PZP: variants seen among roughly 807,000 people sequenced by gnomAD.
PZP encodes the protein pregnancy zone protein.
Under a neutral mutation model 179.8 loss-of-function variants are expected in PZP, and 150 were observed. The observed-to-expected ratio is 0.83, with a 90% CI of 0.73 to 0.96. The LOEUF (loss-of-function observed/expected upper bound fraction) is 0.96, where lower values mean the gene tolerates loss of function less well. Among genes scored for constraint, PZP ranks in the 40% least tolerant of loss-of-function variants. The pLI is 0.00. For synonymous variants in PZP, 624 were observed against 652.3 expected (o/e 0.96, Z 0.66); for missense variants, 1,689 against 1,764.0 (o/e 0.96, Z 0.76).
Position 9,150,690 on chromosome 12 carries a change from T to C in PZP, c.4338A>G (p.Gly1446=). ...CTTTAACAATTGCTGGCTTCAAGTC[T>C]CCTACTGGGATGTCTTGCAGAACCA... is the stretch of plus-strand genomic sequence containing the variant. ...SFMVLQDIPV[G]DLKPAIVKVY... is the part of the protein sequence containing the mutation. Residue 1446 remains glycine (G), a synonymous_variant, in exon 34 of 36, where the codon GGA becomes GGG. Coordinates refer to ENST00000261336, the MANE Select transcript of PZP (RefSeq NM_002864.3). 6.2e-7 allele frequency: 1 copy of C among 1,613,118 alleles called. No individual in the cohort carries two copies. Among genetic ancestry groups the C allele is most frequent in the South Asian group, 1.1e-5 (1 of 90,920 alleles).
At chr12:9,164,417 G>A (rs147844773) in intron 19 of PZP, among the ~76,000 whole-genome samples, 158 bp from the exon 20 acceptor site, 4 of 152,342 alleles carry the variant, frequency 2.6e-5, no homozygotes, top group Middle Eastern at 3.4e-3. Context: ...GCATGGCAAT[G>A]GCAATGATAC....
intron 15 of PZP, among the ~76,000 whole-genome samples, chr12:9,179,691 C>A (rs1246579306): frequency 6.6e-6 from 1 of 152,164 alleles, no homozygotes; most frequent in East Asian, 1.9e-4. Flanking sequence ...ACTCCAGTGA[C>A]CAAAAGTGAT....
At position 9,158,565 on chromosome 12, in the gene PZP, A is replaced by G. The variant is rs1325396676; in HGVS notation, c.3149T>C (p.Phe1050Ser). 1.9e-6 allele frequency: 3 copies of G among 1,614,098 alleles called. No individual in the cohort carries two copies. The highest frequency in any genetic ancestry group is 1.7e-6 in the Non-Finnish European group (2 of 1,180,004). ...RNQGNTWLTAFVLKTFAQARS... is the reference protein window; with the variant it reads ...RNQGNTWLTASVLKTFAQARS... Reference sequence around the variant, plus strand: ...AGCCTGGGCGAAAGTCTTCAGTACAAAAGCTGTGAGCCTAGGGGGAGGAAA... The same window carrying G: ...AGCCTGGGCGAAAGTCTTCAGTACAGAAGCTGTGAGCCTAGGGGGAGGAAA... The change falls in exon 26 of 36, where the codon TTT becomes TCT. Residue 1050 changes from phenylalanine (F) to serine (S), a missense_variant. Physicochemically the swap from Phe to Ser is radical, Grantham distance 155. This residue lies in a region of PZP where 746 missense variants were observed against 749.2 expected (regional missense o/e 1.00). Coordinates refer to ENST00000261336, the MANE Select transcript of PZP (RefSeq NM_002864.3).
chr12:9,140,984 G>T, the PZP span, among the ~76,000 whole-genome samples: 1 of 152,096 alleles, frequency 6.6e-6, no homozygotes, highest in Non-Finnish European at 1.5e-5. Flanking sequence ...TAACTATATT[G>T]CCATAACTTA....
At chr12:9,200,551 T>A in intron 6 of PZP, 103 bp from the exon 7 acceptor site, 1 of 893,664 alleles carries the variant, frequency 1.1e-6, no homozygotes, top group South Asian at 1.7e-5. Flanking sequence ...ACACTCTGAA[T>A]GTTAGATTTA....
At chr12:9,164,449 T>G (rs1941444196) in intron 19 of PZP, among the ~76,000 whole-genome samples, 190 bp from the exon 20 acceptor site, 1 of 152,234 alleles carries the variant, frequency 6.6e-6, no homozygotes, top group Non-Finnish European at 1.5e-5. Context: ...GGTTGTGTAT[T>G]AGGAGGATTT....
intron 13 of PZP, among the ~76,000 whole-genome samples, chr12:9,188,522 G>A (rs1943260667): frequency 6.6e-6 from 1 of 152,150 alleles, no homozygotes. Flanking sequence ...GTCCTCACCA[G>A]AACAATCGGG....
chr12:9,138,656 G>C, the PZP span, among the ~76,000 whole-genome samples: 3 of 151,868 alleles, frequency 2.0e-5, no homozygotes, highest in African/African-American at 4.8e-5. Flanking sequence ...AAGGATTTTT[G>C]TTATTCATTA....
intron 25 of PZP, among the ~76,000 whole-genome samples, chr12:9,159,039 T>G (rs938444891): frequency 1.3e-5 from 2 of 152,216 alleles, no homozygotes; most frequent in African/African-American, 4.8e-5. Flanking sequence ...TTTTTTCCCC[T>G]GTGTTTGCCT....
intron 10 of PZP, among the ~76,000 whole-genome samples, chr12:9,195,393 T>C (rs2121141681): frequency 6.6e-6 from 1 of 151,830 alleles, no homozygotes; most frequent in Non-Finnish European, 1.5e-5. Flanking sequence ...CCCCTTCCCC[T>C]GGCCCTTCCC....
intron 20 of PZP, 104 bp downstream of exon 20, chr12:9,164,029 A>G (rs1372864340): frequency 2.1e-6 from 3 of 1,420,090 alleles, no homozygotes; most frequent in Non-Finnish European, 2.9e-6. Context: ...CTAACTTTAT[A>G]GAATTATATC....
At chr12:9,180,941 T>C in intron 15 of PZP, 42 bp downstream of exon 15, 1 of 1,579,930 alleles carries the variant, frequency 6.3e-7, no homozygotes. Flanking sequence ...TCTGAGCCTC[T>C]GGAATGGCCC....
In PZP at chr12:9,162,629, T is replaced by G; in HGVS notation, c.2756A>C (p.Glu919Ala). The change falls in exon 22 of 36, where the codon GAA becomes GCA. Residue 919 changes from glutamate (E) to alanine (A), a missense_variant. By Grantham distance (107) the Glu-to-Ala change is moderately radical (BLOSUM62 -1). Around this residue, in one of 3 missense-constraint regions of PZP, gnomAD observed 746 missense variants for 749.2 expected, o/e 1.00. Coordinates refer to ENST00000261336, the MANE Select transcript of PZP (RefSeq NM_002864.3). ...LLVEAEGIEQ[E>A]KTFSSMTCAS... The stretch of plus-strand genomic sequence containing the variant: ...ACAGGTCATAGAACTGAAAGTCTTT[T>G]CTTGCTCAATACCTTCAGCCTTGGA... 1 of 1,595,288 alleles carries G rather than the reference T, an allele frequency of 6.3e-7. No individual in the cohort carries two copies. Among genetic ancestry groups the G allele is most frequent in the Non-Finnish European group, 8.6e-7 (1 of 1,163,324 alleles).
the PZP span, among the ~76,000 whole-genome samples, chr12:9,137,488 A>G: frequency 2.6e-5 from 4 of 151,998 alleles, no homozygotes; most frequent in Admixed American, 6.6e-5. Context: ...TTCTTTCTCA[A>G]GATTGATTTT....
At chr12:9,140,913 C>T in the PZP span, among the ~76,000 whole-genome samples, 1 of 152,112 alleles carries the variant, frequency 6.6e-6, no homozygotes, top group South Asian at 2.1e-4. Flanking sequence ...GGTAAAATAA[C>T]CAGTTTTTCA....
chr12:9,204,882 G>A (rs773002242), intron 1 of PZP, among the ~76,000 whole-genome samples: 1 of 152,114 alleles, frequency 6.6e-6, no homozygotes, highest in East Asian at 1.9e-4. Flanking sequence ...GTCACTTGAG[G>A]CCAGGAGTTT....
downstream of PZP, among the ~76,000 whole-genome samples, chr12:9,144,809 G>A (rs780947209): frequency 1.3e-5 from 2 of 152,242 alleles, no homozygotes; most frequent in South Asian, 4.2e-4. Flanking sequence ...CTTGGGGCAG[G>A]CATATCTCTG....
downstream of PZP, among the ~76,000 whole-genome samples, chr12:9,143,940 T>C (rs558462708): frequency 2.2e-3 from 332 of 152,326 alleles, no homozygotes; most frequent in Non-Finnish European, 3.7e-3. Context: ...CAGAATCCTC[T>C]TTCTAAAGAG....
At chr12:9,205,511 A>T (rs1944402437) in intron 1 of PZP, among the ~76,000 whole-genome samples, 1 of 152,190 alleles carries the variant, frequency 6.6e-6, no homozygotes, top group Non-Finnish European at 1.5e-5. Flanking sequence ...TGAGATCCTC[A>T]TCAGTCCCCA....
Sources: allele counts gnomAD v4.1 joint callset (sites outside exome capture counted in the v4.1 genomes callset), GRCh38; gene constraint gnomAD v4.1.1; regional missense constraint gnomAD v4.1.1; transcripts MANE v1.5; gene names NCBI Gene and HGNC (gene_info 2026-07-23, HGNC 2026-07-21).